TACC2: variants seen among roughly 807,000 people sequenced by gnomAD.
TACC2 encodes transforming acidic coiled-coil containing protein 2.
TACC2 carries 137 observed loss-of-function variants against 227.3 expected under a neutral mutation model. The observed-to-expected ratio is 0.60, with a 90% CI of 0.52 to 0.69. The LOEUF is 0.69. TACC2 is among the 30% of genes least tolerant of loss of function. The probability of loss-of-function intolerance (pLI) is 0.00; values close to 1 mark genes in which losing one functional copy is unlikely to be tolerated. For synonymous variants in TACC2, 1,523 were observed against 1,487.5 expected, an observed-to-expected ratio of 1.02 and a Z score of -0.55; for missense variants, 3,470 against 3,694.4, an observed-to-expected ratio of 0.94 and a Z score of 1.57.
chr10:122,197,376 C>G (rs1167264815), intron 8 of TACC2, among the ~76,000 whole-genome samples: 1 of 152,260 alleles, frequency 6.6e-6, no homozygotes, highest in Non-Finnish European at 1.5e-5. Flanking sequence ...GGTGCGTCTT[C>G]TGGGATTCCC....
At chr10:122,044,399 G>A (rs139528523) in intron 2 of TACC2, among the ~76,000 whole-genome samples, 30 of 152,332 alleles carry the variant, frequency 2.0e-4, no homozygotes, top group Non-Finnish European at 3.5e-4. Context: ...ATGGGCAGCC[G>A]GCTGGCTCTA....
At chr10:122,247,412 T>G in intron 19 of TACC2, 1 of 152,100 alleles carries the variant, frequency 6.6e-6, no homozygotes. Context: ...GAGTGGGCGC[T>G]TCTCCCTTCC....
chr10:122,040,385 A>G (rs1053050987), intron 2 of TACC2, among the ~76,000 whole-genome samples: 6 of 152,150 alleles, frequency 3.9e-5, no homozygotes, highest in African/African-American at 1.4e-4. Context: ...CAGGGGTTTC[A>G]TGCATCCTGA....
intron 5 of TACC2, among the ~76,000 whole-genome samples, chr10:122,109,467 T>C (rs985564636): frequency 5.3e-5 from 8 of 152,144 alleles, no homozygotes; most frequent in African/African-American, 1.7e-4. Context: ...GTGAGTCTTA[T>C]TGGCACTGAG....
At chr10:122,074,967 C>T (rs144743660) in intron 3 of TACC2, among the ~76,000 whole-genome samples, 1,617 of 152,096 alleles carry the variant, frequency 0.011, 6 homozygotes, top group Middle Eastern at 0.02. Context: ...CTTGACAAGC[C>T]CTCAGAATGT....
chr10:122,170,330 C>T lies in TACC2; in HGVS notation c.5835-24710C>T, dbSNP rs536833998. On this transcript the variant is annotated intron_variant, in intron 7 of 22. Coordinates refer to ENST00000369005, the MANE Select transcript of TACC2 (RefSeq NM_206862.4). ...TGCCCCCCAGGCTGGAGTGAAGTGGCATGATCTGGGCCACATTGCAGCCTC... is the reference window on the plus strand; with the variant it reads ...TGCCCCCCAGGCTGGAGTGAAGTGGTATGATCTGGGCCACATTGCAGCCTC... 6.2e-4 allele frequency among the ~76,000 whole-genome samples: 79 copies of T among 126,662 alleles called. No individual in the cohort carries two copies. The East Asian group carries it at 6.4e-3, about 10-fold the overall frequency. The allele number at this position is 126,662 out of a possible 152,430, so 83.1% of individuals were successfully genotyped here.
chr10:122,041,985 A>G (rs369824524), intron 2 of TACC2, among the ~76,000 whole-genome samples: 12 of 152,152 alleles, frequency 7.9e-5, no homozygotes, highest in South Asian at 4.2e-4. Flanking sequence ...TCGCTCTGTC[A>G]CCCAGGCTGG....
chr10:122,144,550 A>G (rs542054081), intron 7 of TACC2, among the ~76,000 whole-genome samples: 1 of 152,344 alleles, frequency 6.6e-6, no homozygotes, highest in South Asian at 2.1e-4. Context: ...GGAAGCACAC[A>G]GTGCTGAAAG....
At position 122,216,778 on chromosome 10, in the gene TACC2, C is replaced by G. The variant is rs755658158; in HGVS notation, c.7496C>G (p.Ser2499Trp). 2 of 1,614,118 alleles carry G rather than the reference C, an allele frequency of 1.2e-6. No individual in the cohort carries two copies. The highest frequency in any genetic ancestry group is 1.7e-5 in the Admixed American group (1 of 60,022). Residue 2499 changes from serine (S) to tryptophan (W), a missense_variant, in exon 11 of 23, where the codon TCG becomes TGG. By Grantham distance (177) the Ser-to-Trp change is radical. This residue lies in a region of TACC2 where 345 missense variants were observed against 354.4 expected (regional missense o/e 0.97). Coordinates refer to ENST00000369005, the MANE Select transcript of TACC2 (RefSeq NM_206862.4). ...EADKQDYPQP[S>W]DLSTFVNETK... ...GACAAACAGGACTACCCGCAGCCCT[C>G]GGACCTGTCCACCTTTGTAAACGAG...
chr10:122,156,933 A>G (rs1421074771), intron 7 of TACC2, among the ~76,000 whole-genome samples: 1 of 151,992 alleles, frequency 6.6e-6, no homozygotes, highest in Non-Finnish European at 1.5e-5. Flanking sequence ...CAACATAGTG[A>G]GACCACATCT....
At chr10:122,162,081 C>T (rs1363981726) in intron 7 of TACC2, among the ~76,000 whole-genome samples, 1 of 152,194 alleles carries the variant, frequency 6.6e-6, no homozygotes, top group Admixed American at 6.5e-5. Flanking sequence ...GCCACCTTCC[C>T]CGCAAGATTG....
chr10:122,041,931 G>A (rs1342827838), intron 2 of TACC2, among the ~76,000 whole-genome samples: 1 of 152,094 alleles, frequency 6.6e-6, no homozygotes, highest in Non-Finnish European at 1.5e-5. Context: ...AACTTTGGGA[G>A]GAGCTGTTCT....
At chr10:122,089,921 T>C (rs1419245421) in intron 5 of TACC2, among the ~76,000 whole-genome samples, 1 of 152,186 alleles carries the variant, frequency 6.6e-6, no homozygotes, top group African/African-American at 2.4e-5. Flanking sequence ...TTAATCTGCA[T>C]TGGACACCCT....
Position 122,095,181 on chromosome 10 carries a change from G to A in TACC2, c.5573+6590G>A, listed in dbSNP as rs190279680. ...AACTGGGGACCCTCCTTAGGAGGGG[G>A]ATGGGGATCTTCCTTTCACCAATGC... On this transcript the variant is annotated intron_variant, in intron 5 of 22. Coordinates refer to ENST00000369005, the MANE Select transcript of TACC2 (RefSeq NM_206862.4). Among the ~76,000 whole-genome samples the A allele has an allele frequency of 2.9e-3, 438 of 152,252 alleles. 1 individual carries two copies. Among genetic ancestry groups the A allele is most frequent in the Middle Eastern group, 0.024 (7 of 294 alleles).
chr10:122,098,966 G>A (rs1043708089), intron 5 of TACC2, among the ~76,000 whole-genome samples: 1 of 152,226 alleles, frequency 6.6e-6, no homozygotes, highest in African/African-American at 2.4e-5. Context: ...GGAATCTAGG[G>A]CTTTGGGGTT....
At chr10:122,100,426 C>CT (rs1219805294) in intron 5 of TACC2, among the ~76,000 whole-genome samples, 1,514 of 141,228 alleles carry the variant, frequency 0.011, 26 homozygotes, top group East Asian at 0.043. Flanking sequence ...TCTTCTCTTC[C>CT]TTTTTTTTTT....
intron 1 of TACC2, among the ~76,000 whole-genome samples, chr10:121,990,176 T>C (rs562609486): frequency 4.1e-4 from 63 of 152,224 alleles, no homozygotes; most frequent in African/African-American, 1.5e-3. Flanking sequence ...AGTGGCATAA[T>C]GATGGTTCAT....
intron 7 of TACC2, among the ~76,000 whole-genome samples, chr10:122,151,609 T>G (rs779924368): frequency 3.9e-5 from 6 of 152,056 alleles, no homozygotes; most frequent in Admixed American, 6.6e-5. Flanking sequence ...TGTCTTCTCT[T>G]TTCAAGCAGG....
intron 3 of TACC2, among the ~76,000 whole-genome samples, chr10:122,060,895 C>T (rs897430099): frequency 6.6e-6 from 1 of 151,418 alleles, no homozygotes; most frequent in Non-Finnish European, 1.5e-5. Flanking sequence ...ATCCCAGCTA[C>T]TCGGGAGGCT....
Sources: allele counts gnomAD v4.1 joint callset (sites outside exome capture counted in the v4.1 genomes callset), GRCh38; gene constraint gnomAD v4.1.1; regional missense constraint gnomAD v4.1.1; transcripts MANE v1.5; gene names NCBI Gene and HGNC (gene_info 2026-07-23, HGNC 2026-07-21).